Variants in FAM227B observed in about 807,000 individuals in gnomAD.
FAM227B encodes the protein family with sequence similarity 227 member B.
In FAM227B, 88 loss-of-function variants were observed where a neutral mutation model predicts 73.8. The observed-to-expected ratio is 1.19, with a 90% confidence interval of 1.00 to 1.42. The LOEUF (loss-of-function observed/expected upper bound fraction) is 1.42, where lower values mean the gene tolerates loss of function less well. FAM227B is among the 40% of genes most tolerant of loss of function. The probability of loss-of-function intolerance (pLI) is 0.00; values close to 1 mark genes in which losing one functional copy is unlikely to be tolerated. For synonymous variants in FAM227B, 210 were observed against 190.5 expected (o/e 1.10, Z -0.84); for missense variants, 632 against 590.9 (o/e 1.07, Z -0.72).
intron 11 of FAM227B, chr15:49,424,312 A>T (rs776331414): frequency 6.2e-7 from 1 of 1,613,398 alleles, no homozygotes; most frequent in Non-Finnish European, 8.5e-7. Flanking sequence ...ACAAATGGAT[A>T]CTGACATGGA....
At chr15:49,596,867 A>T (rs2076914344) in intron 3 of FAM227B, among the ~76,000 whole-genome samples, 1 of 152,040 alleles carries the variant, frequency 6.6e-6, no homozygotes, top group African/African-American at 2.4e-5. Context: ...GAGTTAAAAA[A>T]GACAAAGAGG....
intron 13 of FAM227B, among the ~76,000 whole-genome samples, chr15:49,361,580 T>C (rs138876865): frequency 6.6e-6 from 1 of 152,194 alleles, no homozygotes; most frequent in South Asian, 2.1e-4. Context: ...CATGATCTTG[T>C]TAGTTTTTAT....
intron 9 of FAM227B, among the ~76,000 whole-genome samples, chr15:49,549,138 C>G (rs1467029016): frequency 2.6e-5 from 4 of 152,040 alleles, no homozygotes; most frequent in Non-Finnish European, 5.9e-5. Flanking sequence ...TAGGCACTTA[C>G]AGCTATAAAT....
chr15:49,509,345 A>T, intron 10 of FAM227B, among the ~76,000 whole-genome samples: 1 of 152,174 alleles, frequency 6.6e-6, no homozygotes, highest in East Asian at 1.9e-4. Flanking sequence ...CCCAGATGTC[A>T]AAGTATCAGA....
chr15:49,422,163 T>C (rs921295705), intron 11 of FAM227B, among the ~76,000 whole-genome samples: 39 of 147,620 alleles, frequency 2.6e-4, no homozygotes, highest in Middle Eastern at 3.5e-3. Context: ...TGTGTGTGTG[T>C]GCGCGCGCGC....
intron 11 of FAM227B, among the ~76,000 whole-genome samples, chr15:49,439,300 G>C (rs62012203): frequency 3.3e-5 from 5 of 151,500 alleles, no homozygotes; most frequent in Non-Finnish European, 5.9e-5. Flanking sequence ...GAGAGGGAGG[G>C]AGAAAGAGAG....
intron 11 of FAM227B, among the ~76,000 whole-genome samples, chr15:49,411,879 T>C (rs1048004841): frequency 1.3e-5 from 2 of 152,088 alleles, no homozygotes; most frequent in Non-Finnish European, 2.9e-5. Flanking sequence ...TCAATTGTTA[T>C]GGGGAATTTT....
At chr15:49,333,462 C>G (rs1010000394) in intron 14 of FAM227B, among the ~76,000 whole-genome samples, 2 of 152,140 alleles carry the variant, frequency 1.3e-5, no homozygotes, top group Admixed American at 1.3e-4. Context: ...TCTGCATATT[C>G]TCAGTGGTGA....
At chr15:49,456,044 C>T (rs1214765915) in intron 11 of FAM227B, among the ~76,000 whole-genome samples, 1 of 152,068 alleles carries the variant, frequency 6.6e-6, no homozygotes, top group Non-Finnish European at 1.5e-5. Flanking sequence ...AATGTGACCG[C>T]ATATTGGTGC....
Position 49,586,300 on chromosome 15 carries a change from A to G in FAM227B, c.405+1716T>C, listed in dbSNP as rs528824981. Among the ~76,000 whole-genome samples, 3 of 152,258 alleles carry G rather than the reference A, an allele frequency of 2.0e-5. No homozygotes were observed. In the South Asian group the frequency reaches 6.2e-4, roughly 32 times the overall value. On this transcript the variant is annotated intron_variant, in intron 5 of 15. Coordinates refer to ENST00000299338, the MANE Select transcript of FAM227B (RefSeq NM_152647.3). The stretch of plus-strand genomic sequence containing the variant: ...ACCAGCAATGGGAAAAGGACTCCCT[A>G]TTCAATAAATAATGCTGGGATAACT...
At chr15:49,611,322 T>A in intron 2 of FAM227B, 54 bp from the exon 3 acceptor site, 1 of 890,292 alleles carries the variant, frequency 1.1e-6, no homozygotes, top group Non-Finnish European at 1.8e-6. Context: ...AGACTGTTCA[T>A]AATATTTACA....
chr15:49,340,602 A>G (rs114500325), intron 13 of FAM227B, among the ~76,000 whole-genome samples: 2,616 of 152,140 alleles, frequency 0.017, 95 homozygotes, highest in African/African-American at 0.06. Flanking sequence ...CCACTTTTTA[A>G]TGGGGCTATT....
intron 11 of FAM227B, chr15:49,395,945 AGAG>A (rs1330925243): frequency 1.3e-5 from 6 of 455,966 alleles, no homozygotes; most frequent in South Asian, 4.6e-5. Context: ...TCCAAAGAAC[AGAG>A]GAGAACAAAA....
chr15:49,335,705 A>G (rs975393586), intron 13 of FAM227B, among the ~76,000 whole-genome samples: 7 of 152,178 alleles, frequency 4.6e-5, no homozygotes, highest in African/African-American at 1.7e-4. Flanking sequence ...CATTATCTCA[A>G]CCACAGCAAC....
intron 11 of FAM227B, among the ~76,000 whole-genome samples, chr15:49,381,636 C>G (rs1301585848): frequency 1.3e-5 from 2 of 152,184 alleles, no homozygotes; most frequent in African/African-American, 4.8e-5. Flanking sequence ...TTCCCACCAT[C>G]ACAACTGTTA....
At chr15:49,459,733 C>T (rs929508909) in intron 11 of FAM227B, among the ~76,000 whole-genome samples, 19 of 152,096 alleles carry the variant, frequency 1.2e-4, no homozygotes, top group African/African-American at 4.3e-4. Flanking sequence ...GGCTATAGTT[C>T]ATGACATAAG....
intron 11 of FAM227B, among the ~76,000 whole-genome samples, chr15:49,382,281 T>C (rs559479587): frequency 2.0e-5 from 3 of 152,144 alleles, no homozygotes; most frequent in East Asian, 1.9e-4. Context: ...GGACATAAAA[T>C]TAGGTATTGC....
intron 9 of FAM227B, among the ~76,000 whole-genome samples, chr15:49,543,079 C>T (rs1274853790): frequency 2.0e-5 from 3 of 151,990 alleles, no homozygotes; most frequent in Non-Finnish European, 4.4e-5. Flanking sequence ...TTGAGTAATC[C>T]TCATACTGTT....
chr15:49,443,603 C>G (rs2051887443), intron 11 of FAM227B, among the ~76,000 whole-genome samples: 1 of 151,690 alleles, frequency 6.6e-6, no homozygotes, highest in Non-Finnish European at 1.5e-5. Context: ...TCTAGTATCT[C>G]TAAAAACTAT....
Sources: gnomAD v4.1 joint callset for allele counts (sites outside exome capture counted in the v4.1 genomes callset) on GRCh38, gnomAD v4.1.1 for gene constraint, MANE v1.5 for transcripts, NCBI Gene and HGNC (gene_info 2026-07-23, HGNC 2026-07-21) for gene names.